RP1L1: variants seen among roughly 807,000 people sequenced by gnomAD.
RP1L1 encodes the protein retinitis pigmentosa 1-like 1 protein.
Under a neutral mutation model 15.7 loss-of-function variants are expected in RP1L1, and 27 were observed. The observed-to-expected ratio is 1.72, with a 90% CI of 1.27 to 2.38. The LOEUF (loss-of-function observed/expected upper bound fraction) is 2.38. RP1L1 is among the 30% of genes most tolerant of loss of function. The pLI is 0.00. For synonymous variants in RP1L1, 1,813 were observed against 1,276.7 expected (o/e 1.42, Z -8.96); for missense variants, 4,798 against 3,075.9 (o/e 1.56, Z -13.24).
At chr8:10,624,164 C>A (rs1798120419) in intron 1 of RP1L1, among the ~76,000 whole-genome samples, 1 of 152,218 alleles carries the variant, frequency 6.6e-6, no homozygotes. Context: ...ATACTCATCA[C>A]ATTCTCCACA....
rs1400847564 is a variant in RP1L1, at chr8:10,623,203, G to C, written c.-2C>G. ...GGCATTCCTGGGGGTGCTGTTCATG[G>C]TGTGGGGGCTCTGGCCGCTGTAACA... On this transcript the variant is annotated 5_prime_UTR_variant, in exon 2 of 4. Coordinates refer to ENST00000382483, the MANE Select transcript of RP1L1 (RefSeq NM_178857.6). 6.5e-7 allele frequency: 1 copy of C among 1,548,644 alleles called. No individual in the cohort carries two copies. The highest frequency in any genetic ancestry group is 8.7e-7 in the Non-Finnish European group (1 of 1,148,458).
intron 1 of RP1L1, among the ~76,000 whole-genome samples, chr8:10,625,190 C>G (rs906447245): frequency 6.6e-6 from 1 of 152,176 alleles, no homozygotes; most frequent in African/African-American, 2.4e-5. Flanking sequence ...AGGGGAAGAC[C>G]TGACCTCTTA....
chr8:10,625,669 G>C (rs1274389476), intron 1 of RP1L1, among the ~76,000 whole-genome samples: 1 of 152,210 alleles, frequency 6.6e-6, no homozygotes, highest in Non-Finnish European at 1.5e-5. Flanking sequence ...CAGGTAGAAT[G>C]CATTGGAGGA....
chr8:10,613,598 TCCAAA>T (rs1317363139), intron 3 of RP1L1, among the ~76,000 whole-genome samples: 57 of 38,718 alleles, frequency 1.5e-3, no homozygotes, highest in African/African-American at 2.9e-3. Context: ...ACACCATCTC[TCCAAA>T]AAAAAAAAAA....
intron 2 of RP1L1, among the ~76,000 whole-genome samples, chr8:10,617,415 AAAAAAAG>A (rs1479856429): frequency 7.8e-5 from 11 of 140,756 alleles, no homozygotes; most frequent in Non-Finnish European, 1.6e-4. Context: ...AAAAAAAAAA[AAAAAAAG>A]AAAAAAGAAG....
chr8:10,607,044 G>T lies in RP1L1; in HGVS notation c.7054C>A (p.Gln2352Lys), dbSNP rs1489478638. The T allele has an allele frequency of 1.2e-6, 2 of 1,614,172 alleles. No homozygotes were observed. Among genetic ancestry groups the T allele is most frequent in the South Asian group, 1.1e-5 (1 of 91,082 alleles). The part of the protein sequence containing the change: ...RMYPESSTSE[Q>K]EEAPLGSRTP... Reference sequence around the variant, plus strand: ...CTTGAGCCCAAAGGGGCCTCTTCTTGCTCAGAAGTAGAACTTTCTGGGTAC... The same window carrying T: ...CTTGAGCCCAAAGGGGCCTCTTCTTTCTCAGAAGTAGAACTTTCTGGGTAC... Residue 2352 changes from glutamine to lysine, a missense_variant, in exon 4 of 4, where the codon CAA becomes AAA. Transcript: ENST00000382483.
chr8:10,608,579 G>C lies in RP1L1; in HGVS notation c.5519C>G (p.Ala1840Gly), dbSNP rs77968698. The C allele has an allele frequency of 0.037, 59,804 of 1,613,902 alleles. 1,272 individuals are homozygous for C. The highest frequency in any genetic ancestry group is 0.07 in the Middle Eastern group (424 of 6,062). The change falls in exon 4 of 4, where the codon GCT becomes GGT. Residue 1840 changes from alanine to glycine, a missense_variant. Ala to Gly is a moderately conservative substitution (Grantham distance 60, BLOSUM62 0). Coordinates refer to ENST00000382483, the MANE Select transcript of RP1L1 (RefSeq NM_178857.6). ...TGACTCTGGCTGGGCCTCCCCTTCA[G>C]CCTCCGGGGCCTCTATGCCTTCGGC... is the stretch of plus-strand genomic sequence containing the variant. ...DGAEGIEAPE[A>G]EGEAQPESEG...
chr8:10,638,617 C>T (rs1311704858), intron 1 of RP1L1, among the ~76,000 whole-genome samples: 1 of 151,978 alleles, frequency 6.6e-6, no homozygotes, highest in Non-Finnish European at 1.5e-5. Context: ...AAGAAACCTC[C>T]CCATTTATAG....
At chr8:10,634,110 G>C (rs1279666214) in intron 1 of RP1L1, among the ~76,000 whole-genome samples, 1 of 152,150 alleles carries the variant, frequency 6.6e-6, no homozygotes, top group Non-Finnish European at 1.5e-5. Flanking sequence ...ACAGCGGTCT[G>C]AGTAAGAAGA....
intron 1 of RP1L1, among the ~76,000 whole-genome samples, chr8:10,639,638 C>T (rs1406172088): frequency 6.6e-6 from 1 of 152,152 alleles, no homozygotes; most frequent in Non-Finnish European, 1.5e-5. Flanking sequence ...CGTCCCAGAG[C>T]ACTGGGATTA....
At position 10,608,908 on chromosome 8, in the gene RP1L1, C is replaced by T; in HGVS notation, c.5190G>A (p.Leu1730=). Residue 1730 remains leucine (L), a synonymous_variant, in exon 4 of 4, where the codon CTG becomes CTA. Coordinates refer to ENST00000382483, the MANE Select transcript of RP1L1 (RefSeq NM_178857.6). ...CAGGCCCCTGGCTCAGCCCCGGCCCCAGCCCTCCCTCAGCTCCCTGGACAG... is the reference window on the plus strand; with the variant it reads ...CAGGCCCCTGGCTCAGCCCCGGCCCTAGCCCTCCCTCAGCTCCCTGGACAG... ...TRTVQGAEGG[L]GPGLSQGPGV... 1 of 1,614,080 alleles carries T rather than the reference C, an allele frequency of 6.2e-7. No homozygotes were observed. The highest frequency in any genetic ancestry group is 8.5e-7 in the Non-Finnish European group (1 of 1,180,026).
intron 1 of RP1L1, among the ~76,000 whole-genome samples, chr8:10,631,315 GCACACACGCACACACACATGCA>G (rs1242145438): frequency 4.3e-5 from 3 of 69,094 alleles, no homozygotes; most frequent in Non-Finnish European, 1.0e-4. Context: ...GCACACACAC[GCACACACGCACACACACATGCA>G]CACACACGCA....
At chr8:10,631,024 G>A (rs549413118) in intron 1 of RP1L1, among the ~76,000 whole-genome samples, 33 of 152,184 alleles carry the variant, frequency 2.2e-4, no homozygotes, top group Admixed American at 2.0e-3. Context: ...GCTCTCAGGG[G>A]GAATGGCTTT....
intron 1 of RP1L1, among the ~76,000 whole-genome samples, chr8:10,628,714 G>GTTC (rs1427031128): frequency 2.6e-5 from 4 of 152,190 alleles, no homozygotes; most frequent in African/African-American, 9.6e-5. Context: ...GATAGTTCCC[G>GTTC]TTCTGTCTGG....
At chr8:10,628,252 CAT>C (rs1278801805) in intron 1 of RP1L1, among the ~76,000 whole-genome samples, 2 of 152,216 alleles carry the variant, frequency 1.3e-5, no homozygotes, top group Admixed American at 1.3e-4. Flanking sequence ...AAAGTTAGCA[CAT>C]GAGGCTGTGC....
At chr8:10,631,401 A>G (rs28776820) in intron 1 of RP1L1, among the ~76,000 whole-genome samples, 21 of 138,302 alleles carry the variant, frequency 1.5e-4, no homozygotes, top group Non-Finnish European at 3.3e-4. Context: ...ACACACGCAC[A>G]CACACGCACA....
In RP1L1 at chr8:10,610,433, G is replaced by A. The variant is rs766654464; in HGVS notation, c.3665C>T (p.Thr1222Ile). 5.0e-6 allele frequency: 8 copies of A among 1,613,730 alleles called. No homozygotes were observed. Among genetic ancestry groups the A allele is most frequent in the Middle Eastern group, 3.3e-4 (2 of 6,084 alleles). ...CAGCTCTGTCCCCTGTGTCACCAGG[G>A]TGCCGTCCATGGCACAGGGTACGCT... ...ESSVPCAMDG[T>I]LVTQGTELPL... The change falls in exon 4 of 4, where the codon ACC (threonine) becomes ATC (isoleucine). Residue 1222 changes from threonine to isoleucine, a missense_variant. Physicochemically the swap from Thr to Ile is moderately conservative, Grantham distance 89. Coordinates refer to ENST00000382483, the MANE Select transcript of RP1L1 (RefSeq NM_178857.6).
At position 10,611,259 on chromosome 8, in the gene RP1L1, A is replaced by G. The variant is rs1484711394; in HGVS notation, c.2839T>C (p.Ser947Pro). 6.2e-7 allele frequency: 1 copy of G among 1,612,726 alleles called. No individual in the cohort carries two copies. Among genetic ancestry groups the G allele is most frequent in the Non-Finnish European group, 8.5e-7 (1 of 1,179,950 alleles). Residue 947 changes from serine (S) to proline (P), a missense_variant, in exon 4 of 4, where the codon TCT becomes CCT. Coordinates refer to ENST00000382483, the MANE Select transcript of RP1L1 (RefSeq NM_178857.6). ...QEEASGVSPSSLPRSSPEAVV... is the reference protein window; with the variant it reads ...QEEASGVSPSPLPRSSPEAVV... ...GCCTCTGGAGACGAGCGGGGCAGAG[A>G]GCTGGGTGACACACCACTGGCCTCC...
intron 2 of RP1L1, among the ~76,000 whole-genome samples, chr8:10,619,054 G>C (rs1351537733): frequency 6.6e-6 from 1 of 152,118 alleles, no homozygotes; most frequent in African/African-American, 2.4e-5. Context: ...ATTTTTAGTA[G>C]AGATGGGGTT....
Sources: allele counts gnomAD v4.1 joint callset (sites outside exome capture counted in the v4.1 genomes callset), GRCh38; gene constraint gnomAD v4.1.1; transcripts MANE v1.5; gene names NCBI Gene and HGNC (gene_info 2026-07-23, HGNC 2026-07-21).